ARMC9: variants seen among roughly 807,000 people sequenced by gnomAD.
ARMC9 encodes armadillo repeat containing 9.
ARMC9 carries 94 observed loss-of-function variants against 107.0 expected under a neutral mutation model. The observed-to-expected ratio is 0.88, with a 90% CI of 0.74 to 1.04. The LOEUF (loss-of-function observed/expected upper bound fraction) is 1.04, where lower values mean the gene tolerates loss of function less well. Among genes scored for constraint, ARMC9 ranks in the 50% least tolerant of loss-of-function variants. The probability of loss-of-function intolerance (pLI) is 0.00; values close to 1 mark genes in which losing one functional copy is unlikely to be tolerated. For missense variants in ARMC9, 942 were observed against 1,030.1 expected, an observed-to-expected ratio of 0.91 and a Z score of 1.17; for synonymous variants, 380 against 396.9, an observed-to-expected ratio of 0.96 and a Z score of 0.51.
intron 20 of ARMC9, among the ~76,000 whole-genome samples, chr2:231,343,961 T>C (rs930458387): frequency 3.3e-5 from 5 of 152,196 alleles, no homozygotes; most frequent in Non-Finnish European, 5.9e-5. Context: ...TTTAATGTTT[T>C]AAATAAATAT....
intron 3 of ARMC9, among the ~76,000 whole-genome samples, chr2:231,213,128 A>G (rs1246439598): frequency 6.6e-6 from 1 of 152,018 alleles, no homozygotes; most frequent in East Asian, 1.9e-4. Flanking sequence ...TTTAAAAATG[A>G]CAATTATGCA....
In ARMC9 at chr2:231,253,479, G is replaced by A. The variant is rs990713217; in HGVS notation, c.880-3107G>A. Among the ~76,000 whole-genome samples the A allele has an allele frequency of 7.2e-5, 11 of 152,122 alleles. No individual in the cohort carries two copies. The East Asian group carries it at 9.6e-4, about 13-fold the overall frequency. On this transcript the variant is annotated intron_variant, in intron 9 of 24. Transcript: ENST00000611582. ...TTTGGCTGGGTTGAACCCAGTAGGC[G>A]GAGGTTGCAGTGAGCTGAGGTCATG... is the stretch of plus-strand genomic sequence containing the variant.
chr2:231,200,547 G>A (rs1374243942), intron 1 of ARMC9, among the ~76,000 whole-genome samples: 2 of 152,160 alleles, frequency 1.3e-5, no homozygotes, highest in African/African-American at 2.4e-5. Flanking sequence ...GGTGGCGGAC[G>A]CCTGTAATCC....
intron 23 of ARMC9, among the ~76,000 whole-genome samples, chr2:231,368,889 C>G (rs1267112102): frequency 6.6e-6 from 1 of 152,080 alleles, no homozygotes; most frequent in African/African-American, 2.4e-5. Flanking sequence ...TCCCAAAGTG[C>G]TGGGATTACA....
chr2:231,234,954 G>C (rs2035576438), intron 7 of ARMC9, among the ~76,000 whole-genome samples: 2 of 152,144 alleles, frequency 1.3e-5, no homozygotes, highest in Middle Eastern at 6.8e-3. Flanking sequence ...AATTGCATGA[G>C]GTTCAGTCAA....
chr2:231,213,172 T>C (rs1052346535), intron 3 of ARMC9, among the ~76,000 whole-genome samples: 1 of 151,712 alleles, frequency 6.6e-6, no homozygotes, highest in African/African-American at 2.4e-5. Flanking sequence ...TTCTTTTTTT[T>C]TTTTTTTCTG....
At chr2:231,202,223 C>A (rs2031144131) in intron 1 of ARMC9, among the ~76,000 whole-genome samples, 1 of 151,900 alleles carries the variant, frequency 6.6e-6, no homozygotes, top group Admixed American at 6.6e-5. Flanking sequence ...TGGTCTTGAA[C>A]TCCCAGCATC....
intron 7 of ARMC9, among the ~76,000 whole-genome samples, chr2:231,232,939 C>T (rs1339106403): frequency 6.6e-6 from 1 of 152,128 alleles, no homozygotes; most frequent in Admixed American, 6.5e-5. Flanking sequence ...TAACCTCCAC[C>T]TCCTGGGTTC....
chr2:231,286,561 A>G (rs1410557760), intron 17 of ARMC9, among the ~76,000 whole-genome samples: 3 of 152,220 alleles, frequency 2.0e-5, no homozygotes, highest in Non-Finnish European at 2.9e-5. Flanking sequence ...ATGCATGACA[A>G]TGCTCATTTC....
At chr2:231,261,534 C>A (rs1013708886) in intron 11 of ARMC9, among the ~76,000 whole-genome samples, 1 of 152,146 alleles carries the variant, frequency 6.6e-6, no homozygotes, top group Non-Finnish European at 1.5e-5. Flanking sequence ...TACAGTCAGC[C>A]CTGGGCCCCT....
chr2:231,233,062 G>C (rs1012847012), intron 7 of ARMC9, among the ~76,000 whole-genome samples: 2 of 151,064 alleles, frequency 1.3e-5, no homozygotes, highest in Non-Finnish European at 3.0e-5. Flanking sequence ...TGTTGGCCAG[G>C]CTGGTCTCGA....
At chr2:231,298,284 C>T (rs2041505663) in intron 19 of ARMC9, among the ~76,000 whole-genome samples, 1 of 152,246 alleles carries the variant, frequency 6.6e-6, no homozygotes, top group South Asian at 2.1e-4. Context: ...CCTCACTGCG[C>T]ATCACCGGTG....
chr2:231,241,324 T>C (rs2036282108), intron 9 of ARMC9, among the ~76,000 whole-genome samples: 1 of 152,170 alleles, frequency 6.6e-6, no homozygotes, highest in Admixed American at 6.6e-5. Flanking sequence ...GTGTCCTCCT[T>C]AGACTAGCAC....
intron 20 of ARMC9, among the ~76,000 whole-genome samples, chr2:231,340,749 A>G (rs2044446911): frequency 6.6e-6 from 1 of 152,070 alleles, no homozygotes; most frequent in African/African-American, 2.4e-5. Flanking sequence ...TTAGCCAGGC[A>G]TGGTGGCACA....
At position 231,268,412 on chromosome 2, in the gene ARMC9, G is replaced by A. The variant is rs117745515; in HGVS notation, c.1120-2570G>A. ...TCTTGGGGACGACAGCCTTTGACAT[G>A]TTGCCCTCTTGAATTAGCTGGGTTT... On this transcript the variant is annotated intron_variant, in intron 12 of 24. Transcript: ENST00000611582. Among the ~76,000 whole-genome samples the A allele has an allele frequency of 7.0e-4, 106 of 152,310 alleles. 1 individual carries two copies. In the East Asian group the frequency reaches 0.019, roughly 27 times the overall value.
At chr2:231,290,294 A>G (rs904462166) in intron 17 of ARMC9, among the ~76,000 whole-genome samples, 2 of 152,246 alleles carry the variant, frequency 1.3e-5, no homozygotes, top group Non-Finnish European at 2.9e-5. Flanking sequence ...TCTGTTTTGG[A>G]TGATAAGAAC....
At chr2:231,361,158 G>A (rs923364206) in intron 23 of ARMC9, among the ~76,000 whole-genome samples, 5 of 152,226 alleles carry the variant, frequency 3.3e-5, no homozygotes, top group African/African-American at 9.6e-5. Context: ...AAACTGCCAG[G>A]CGGACTTGTC....
intron 7 of ARMC9, among the ~76,000 whole-genome samples, 186 bp from the exon 8 acceptor site, chr2:231,235,038 G>A (rs1300696420): frequency 1.3e-5 from 2 of 152,238 alleles, no homozygotes; most frequent in African/African-American, 2.4e-5. Context: ...AAGTCAGTGT[G>A]GTTACAAAGC....
intron 17 of ARMC9, among the ~76,000 whole-genome samples, chr2:231,289,605 A>C (rs1429458933): frequency 6.6e-6 from 1 of 152,180 alleles, no homozygotes; most frequent in Non-Finnish European, 1.5e-5. Flanking sequence ...TAGATATAAA[A>C]TTCAGCTCTC....
Sources: allele counts gnomAD v4.1 joint callset (sites outside exome capture counted in the v4.1 genomes callset), GRCh38; gene constraint gnomAD v4.1.1; transcripts MANE v1.5; gene names NCBI Gene and HGNC (gene_info 2026-07-23, HGNC 2026-07-21).